The following ZCWPW2 variants were observed in gnomAD, a reference collection of about 807,000 sequenced individuals.
The protein encoded by ZCWPW2 is zinc finger CW-type and PWWP domain containing 2.
ZCWPW2 carries 45 observed loss-of-function variants against 46.6 expected under a neutral mutation model. That is an observed-to-expected ratio of 0.96 (90% confidence interval 0.76 to 1.24). ZCWPW2 has a LOEUF of 1.24. ZCWPW2 is among the 50% of genes most tolerant of loss of function. The pLI is 0.00. For missense variants in ZCWPW2, 429 were observed against 403.9 expected (o/e 1.06, Z -0.53); for synonymous variants, 152 against 137.1 (o/e 1.11, Z -0.76).
At chr3:28,433,092 TACACACAC>T (rs71626517) in intron 3 of ZCWPW2, among the ~76,000 whole-genome samples, 1 of 148,834 alleles carries the variant, frequency 6.7e-6, no homozygotes, top group African/African-American at 2.5e-5. Flanking sequence ...AGCATATTCT[TACACACAC>T]ACACACACAC....
At chr3:28,351,104 A>G (rs1489020438) in intron 1 of ZCWPW2, among the ~76,000 whole-genome samples, 6 of 151,526 alleles carry the variant, frequency 4.0e-5, no homozygotes, top group Admixed American at 3.9e-4. Flanking sequence ...GTAGCTACAA[A>G]TTTAATCTGA....
At chr3:28,411,773 A>C (rs531665943) in intron 2 of ZCWPW2, among the ~76,000 whole-genome samples, 65 of 152,220 alleles carry the variant, frequency 4.3e-4, no homozygotes, top group African/African-American at 1.5e-3. Context: ...TCATCAATTA[A>C]AGAATTAAAC....
Position 28,485,082 on chromosome 3 carries a change from T to G in ZCWPW2, c.610+6151T>G, listed in dbSNP as rs144699529. On this transcript the variant is annotated intron_variant, in intron 5 of 9. Transcript: ENST00000383768. ...CATTGCTTTTGCTGCATCCCATGAT[T>G]GATAAGTTGCACTTTCATTTTCATT... Among the ~76,000 whole-genome samples the G allele has an allele frequency of 1.9e-4, 29 of 152,160 alleles. No individual in the cohort carries two copies. In the East Asian group the frequency reaches 5.2e-3, roughly 27 times the overall value.
intron 3 of ZCWPW2, among the ~76,000 whole-genome samples, chr3:28,420,223 G>C (rs1344677119): frequency 6.6e-6 from 1 of 151,916 alleles, no homozygotes; most frequent in Non-Finnish European, 1.5e-5. Context: ...TCTTTTAATT[G>C]TGGCGTTAGG....
At chr3:28,504,864 T>G (rs979675512) in intron 6 of ZCWPW2, among the ~76,000 whole-genome samples, 3 of 152,220 alleles carry the variant, frequency 2.0e-5, no homozygotes, top group African/African-American at 7.2e-5. Flanking sequence ...CCTGTCTGGA[T>G]TAGTCCTTAG....
intron 3 of ZCWPW2, among the ~76,000 whole-genome samples, chr3:28,421,223 A>T (rs1246483533): frequency 6.6e-6 from 1 of 152,092 alleles, no homozygotes. Flanking sequence ...CTCCCCACTC[A>T]CAACTCTAGG....
intron 8 of ZCWPW2, among the ~76,000 whole-genome samples, chr3:28,518,607 T>C (rs1422632474): frequency 6.6e-6 from 1 of 152,226 alleles, no homozygotes; most frequent in East Asian, 1.9e-4. Context: ...AGTGTACATA[T>C]TTCTTCAGAT....
At chr3:28,381,054 A>AG (rs1195562478) in intron 1 of ZCWPW2, among the ~76,000 whole-genome samples, 604 of 58,346 alleles carry the variant, frequency 0.01, 181 homozygotes, top group African/African-American at 0.044. Context: ...TTTGGTGTAT[A>AG]TATATATATA....
At chr3:28,510,344 A>G (rs2125830946) in intron 6 of ZCWPW2, among the ~76,000 whole-genome samples, 1 of 152,292 alleles carries the variant, frequency 6.6e-6, no homozygotes, top group East Asian at 1.9e-4. Flanking sequence ...ACTTTGGCCC[A>G]TGGAATAACG....
chr3:28,386,047 T>C (rs4680912), intron 1 of ZCWPW2, among the ~76,000 whole-genome samples: 31,598 of 151,956 alleles, frequency 0.21, 3,694 homozygotes, highest in Admixed American at 0.28. Context: ...AAGAACCAGC[T>C]TTTGCTTTTG....
chr3:28,349,885 G>C (rs552869945), intron 1 of ZCWPW2, among the ~76,000 whole-genome samples: 3 of 152,194 alleles, frequency 2.0e-5, no homozygotes, highest in African/African-American at 7.2e-5. Context: ...TTTCACTCAA[G>C]GGTTTATATG....
intron 4 of ZCWPW2, among the ~76,000 whole-genome samples, chr3:28,446,958 T>G (rs181558171): frequency 6.6e-6 from 1 of 152,160 alleles, no homozygotes; most frequent in Non-Finnish European, 1.5e-5. Flanking sequence ...CTAGCAAAAC[T>G]AAAGCATGAA....
At chr3:28,511,974 A>C (rs1471583972) in intron 6 of ZCWPW2, among the ~76,000 whole-genome samples, 1 of 152,168 alleles carries the variant, frequency 6.6e-6, no homozygotes, top group Non-Finnish European at 1.5e-5. Flanking sequence ...AAAGCAGAGA[A>C]AATAGTATTA....
chr3:28,494,954 C>A (rs1366038690), intron 6 of ZCWPW2, among the ~76,000 whole-genome samples: 6 of 151,436 alleles, frequency 4.0e-5, no homozygotes, highest in Non-Finnish European at 8.8e-5. Flanking sequence ...GAAGAACATT[C>A]CATGCTCATG....
At chr3:28,515,978 C>T (rs893396338) in intron 8 of ZCWPW2, among the ~76,000 whole-genome samples, 3 of 151,956 alleles carry the variant, frequency 2.0e-5, no homozygotes, top group African/African-American at 7.3e-5. Flanking sequence ...CGGTGGCTCA[C>T]GCCTGTAATC....
rs1387814218 is a variant in ZCWPW2 at position 28,524,792 on chromosome 3, C to T, written c.*104C>T. ...TTAGTGAAATAGGTATAAATTATACCAAAGTTTATATTTGCGGTAACTTTC... is the reference window on the plus strand; with the variant it reads ...TTAGTGAAATAGGTATAAATTATACTAAAGTTTATATTTGCGGTAACTTTC... On this transcript the variant is annotated 3_prime_UTR_variant, in exon 10 of 10. Transcript: ENST00000383768. The T allele has an allele frequency of 4.1e-6, 4 of 987,572 alleles. No homozygotes were observed. In the East Asian group the frequency reaches 1.3e-4, roughly 32 times the overall value. 61.2% of individuals were successfully genotyped at this position (987,572 alleles called of 1,614,324 possible).
chr3:28,349,747 AATT>A (rs1704463900), intron 1 of ZCWPW2, among the ~76,000 whole-genome samples: 1 of 152,180 alleles, frequency 6.6e-6, no homozygotes, highest in African/African-American at 2.4e-5. Flanking sequence ...AAGGAACAAT[AATT>A]ATAGAAAATT....
At chr3:28,485,604 T>C (rs1699574946) in intron 5 of ZCWPW2, among the ~76,000 whole-genome samples, 1 of 152,202 alleles carries the variant, frequency 6.6e-6, no homozygotes, top group Non-Finnish European at 1.5e-5. Flanking sequence ...GTTGCAAGTC[T>C]TCTTGGAGTA....
intron 2 of ZCWPW2, among the ~76,000 whole-genome samples, chr3:28,400,665 C>A (rs1030519732): frequency 2.0e-5 from 3 of 152,148 alleles, no homozygotes; most frequent in African/African-American, 7.2e-5. Context: ...AATTATCAGC[C>A]AAGAATTTTG....
Sources: allele counts gnomAD v4.1 joint callset (sites outside exome capture counted in the v4.1 genomes callset), GRCh38; gene constraint gnomAD v4.1.1; transcripts MANE v1.5; gene names NCBI Gene and HGNC (gene_info 2026-07-23, HGNC 2026-07-21).